MDGA1: variants seen among roughly 807,000 people sequenced by gnomAD.
MDGA1 encodes the protein MAM domain containing glycosylphosphatidylinositol anchor 1.
A neutral mutation model predicts 101.5 loss-of-function variants in MDGA1; 54 were observed. The observed-to-expected ratio is 0.53, with a 90% CI of 0.43 to 0.67. MDGA1 has a LOEUF of 0.67. MDGA1 is among the 30% of genes least tolerant of loss of function. The pLI, the probability that MDGA1 is intolerant of heterozygous loss-of-function variation, is 0.00. For missense variants in MDGA1, 1,083 were observed against 1,323.8 expected (o/e 0.82, Z 2.82); for synonymous variants, 533 against 558.3 (o/e 0.95, Z 0.64).
At chr6:37,692,591 G>T (rs929174191) in intron 1 of MDGA1, among the ~76,000 whole-genome samples, 1 of 151,866 alleles carries the variant, frequency 6.6e-6, no homozygotes, top group East Asian at 1.9e-4. Context: ...TTCCACTCCC[G>T]CCCCCAGGTA....
rs1365666062 is a variant in MDGA1 at position 37,650,307 on chromosome 6, G to A, written c.1411C>T (p.Pro471Ser). 6 of 1,595,166 alleles carry A rather than the reference G, an allele frequency of 3.8e-6. No homozygotes were observed. Among genetic ancestry groups the A allele is most frequent in the Non-Finnish European group, 5.1e-6 (6 of 1,173,136 alleles). The change falls in exon 8 of 17, where the codon CCG (proline) becomes TCG (serine). Residue 471 changes from proline to serine, a missense_variant. By Grantham distance (74) the Pro-to-Ser change is moderately conservative. This residue lies in a region of MDGA1 where 657 missense variants were observed against 771.4 expected (regional missense o/e 0.85). Coordinates refer to ENST00000434837, the MANE Select transcript of MDGA1 (RefSeq NM_153487.4). ...LQCEVRGKPR[P>S]PVLWSRVDKE... ...TCCACGCGGGACCAGAGCACTGGCG[G>A]CCGCGGCTTGCCCCGCACCTCGCAT... is the stretch of plus-strand genomic sequence containing the variant.
intron 1 of MDGA1, among the ~76,000 whole-genome samples, chr6:37,695,625 C>T (rs888039327): frequency 6.6e-6 from 1 of 152,210 alleles, no homozygotes; most frequent in Admixed American, 6.5e-5. Flanking sequence ...AGCCTCAGCA[C>T]CTGAGGCTGG....
chr6:37,681,703 G>T (rs1762100348), intron 1 of MDGA1, among the ~76,000 whole-genome samples: 1 of 152,232 alleles, frequency 6.6e-6, no homozygotes, highest in African/African-American at 2.4e-5. Context: ...CTTCTGTTGA[G>T]GTACCAAGTG....
Position 37,650,374 on chromosome 6 carries a change from C to G in MDGA1, c.1344G>C (p.Arg448Ser). ...VPPTISVPKG[R>S]AVVTVREGSP... Reference sequence around the variant, plus strand: ...ATCCCTCGCGCACGGTCACCACGGCCCTACCCTTGGGCACACTGATGGTGG... The same window carrying G: ...ATCCCTCGCGCACGGTCACCACGGCGCTACCCTTGGGCACACTGATGGTGG... The change falls in exon 8 of 17, where the codon AGG (arginine) becomes AGC (serine). Residue 448 changes from arginine to serine, a missense_variant. Around this residue, in one of 3 missense-constraint regions of MDGA1, gnomAD observed 657 missense variants for 771.4 expected, o/e 0.85. Coordinates refer to ENST00000434837, the MANE Select transcript of MDGA1 (RefSeq NM_153487.4). 6.4e-7 allele frequency: 1 copy of G among 1,568,006 alleles called. No individual in the cohort carries two copies. Among genetic ancestry groups the G allele is most frequent in the Non-Finnish European group, 8.6e-7 (1 of 1,156,660 alleles).
chr6:37,674,871 C>G (rs1761944849), intron 1 of MDGA1, among the ~76,000 whole-genome samples: 1 of 152,108 alleles, frequency 6.6e-6, no homozygotes, highest in South Asian at 2.1e-4. Flanking sequence ...GCCTGGCCAA[C>G]ATGGTGAAAC....
Position 37,661,639 on chromosome 6 carries a change from T to C in MDGA1, c.207+2328A>G, listed in dbSNP as rs114071473. Among the ~76,000 whole-genome samples the C allele has an allele frequency of 5.4e-3, 818 of 152,222 alleles. 6 individuals carry two copies. Among genetic ancestry groups the C allele is most frequent in the Non-Finnish European group, 8.0e-3 (544 of 68,010 alleles). ...CGAACAGATATGTACTTGGGGATGA[T>C]GGGGAGGCAAGTCTGACTAGAGCAC... On this transcript the variant is annotated intron_variant, in intron 2 of 16. Transcript: ENST00000434837.
Position 37,654,641 on chromosome 6 carries a change from C to T in MDGA1, c.713-98G>A, listed in dbSNP as rs900816677. On this transcript the variant is annotated intron_variant, in intron 5 of 16. Coordinates refer to ENST00000434837, the MANE Select transcript of MDGA1 (RefSeq NM_153487.4). The stretch of plus-strand genomic sequence containing the variant: ...GAAAACCATAGAGGCTGGAGAAGCC[C>T]TCAGGGGAGATGAGAGGGGAGAAGA... 5.7e-6 allele frequency: 9 copies of T among 1,578,636 alleles called. No homozygotes were observed. The African/African-American group carries it at 9.4e-5, about 17-fold the overall frequency.
chr6:37,665,501 G>T (rs912607953), intron 1 of MDGA1, among the ~76,000 whole-genome samples: 6 of 152,246 alleles, frequency 3.9e-5, no homozygotes, highest in Non-Finnish European at 7.3e-5. Flanking sequence ...CTATGTTCTA[G>T]CTGCCACAAG....
At chr6:37,666,323 G>A (rs1761751078) in intron 1 of MDGA1, among the ~76,000 whole-genome samples, 1 of 145,416 alleles carries the variant, frequency 6.9e-6, no homozygotes, top group Admixed American at 7.0e-5. Context: ...TCGAGCCACT[G>A]CACTCCAGCC....
At chr6:37,639,074 A>G (rs1241396881) in intron 14 of MDGA1, 1 of 195,876 alleles carries the variant, frequency 5.1e-6, no homozygotes, top group Admixed American at 5.2e-5. Flanking sequence ...TTGGCAGTAC[A>G]TGACTTGTGG....
chr6:37,647,459 A>C, intron 9 of MDGA1, 135 bp from the exon 10 acceptor site: 4 of 470,918 alleles, frequency 8.5e-6, no homozygotes, highest in Non-Finnish European at 7.5e-6. Context: ...GAAAGGGAAT[A>C]TTGTGAGGTG....
chr6:37,635,310 C>T lies in MDGA1; in HGVS notation c.*2058G>A. 1 of 397,256 alleles carries T rather than the reference C, an allele frequency of 2.5e-6. No homozygotes were observed. The highest frequency in any genetic ancestry group is 4.4e-6 in the Non-Finnish European group (1 of 225,800). The allele number at this position is 397,256 out of a possible 1,614,324, so 24.6% of individuals were successfully genotyped here. On this transcript the variant is annotated 3_prime_UTR_variant, in exon 17 of 17. Coordinates refer to ENST00000434837, the MANE Select transcript of MDGA1 (RefSeq NM_153487.4). The stretch of plus-strand genomic sequence containing the variant: ...CAGGCTCACTTGTGCTGGGCACGAG[C>T]GGGAGGTGGCGAAGGTGGAGGGGGG...
chr6:37,679,846 A>G (rs1363049410), intron 1 of MDGA1, among the ~76,000 whole-genome samples: 1 of 152,068 alleles, frequency 6.6e-6, no homozygotes, highest in Non-Finnish European at 1.5e-5. Flanking sequence ...GCACAGTGCG[A>G]CACCTGCCCA....
At chr6:37,691,855 C>T (rs902908718) in intron 1 of MDGA1, among the ~76,000 whole-genome samples, 8 of 152,196 alleles carry the variant, frequency 5.3e-5, no homozygotes, top group Admixed American at 2.6e-4. Context: ...TATACAGAGG[C>T]GTTTCTGCAA....
rs762437568 is a variant in MDGA1 at position 37,645,946 on chromosome 6, A to C, written c.2235T>G (p.Ser745=). 5.0e-6 allele frequency: 8 copies of C among 1,613,932 alleles called. No homozygotes were observed. The East Asian group carries it at 1.8e-4, about 36-fold the overall frequency. Residue 745 remains serine, a synonymous_variant, in exon 12 of 17, where the codon TCT becomes TCG. Transcript: ENST00000434837. ...RIIHYTEPIN[S]PNLSDNTCHF... is the part of the protein sequence containing the mutation. ...GGGGAGTCTCACCTGAAAGGTTCGGAGAGTTGATGGCTGAGAAAGCAAGCG... is the reference window on the plus strand; with the variant it reads ...GGGGAGTCTCACCTGAAAGGTTCGGCGAGTTGATGGCTGAGAAAGCAAGCG...
intron 14 of MDGA1, chr6:37,641,610 T>A (rs1278889981): frequency 1.3e-5 from 2 of 152,214 alleles, no homozygotes; most frequent in Non-Finnish European, 2.9e-5. Context: ...TTTTTTGAAC[T>A]TTGTCATAAG....
At chr6:37,648,930 G>A in intron 9 of MDGA1, 52 bp downstream of exon 9, 1 of 1,529,948 alleles carries the variant, frequency 6.5e-7, no homozygotes, top group Non-Finnish European at 8.8e-7. Context: ...TTGGGGCAGA[G>A]CCTGGCCCCT....
In MDGA1 at chr6:37,637,324, G is replaced by T. The variant is rs804842; in HGVS notation, c.*44C>A. 2,147 of 1,511,550 alleles carry T rather than the reference G, an allele frequency of 1.4e-3. 32 individuals carry two copies. In the African/African-American group the frequency reaches 0.027, roughly 19 times the overall value. 93.6% of individuals were successfully genotyped at this position (1,511,550 alleles called of 1,614,324 possible). A position where few individuals can be genotyped will look rare whatever the true frequency, so the allele number is the denominator to read the frequency against. Reference sequence around the variant, plus strand: ...GTCTTTGGTACAATGTGGACACTTTGGTGTGCCGGGGGCAAGGTTGGGGGG... The same window carrying T: ...GTCTTTGGTACAATGTGGACACTTTTGTGTGCCGGGGGCAAGGTTGGGGGG... On this transcript the variant is annotated 3_prime_UTR_variant, in exon 17 of 17. Coordinates refer to ENST00000434837, the MANE Select transcript of MDGA1 (RefSeq NM_153487.4).
At chr6:37,639,676 A>T (rs1764018040) in intron 14 of MDGA1, 1 of 152,026 alleles carries the variant, frequency 6.6e-6, no homozygotes, top group African/African-American at 2.4e-5. Flanking sequence ...GTCCCTGACC[A>T]CCCCATGTAA....
Sources: gnomAD v4.1 joint callset for allele counts (sites outside exome capture counted in the v4.1 genomes callset) on GRCh38, gnomAD v4.1.1 for gene constraint, gnomAD v4.1.1 regional missense constraint, MANE v1.5 for transcripts, NCBI Gene and HGNC (gene_info 2026-07-23, HGNC 2026-07-21) for gene names.